The following SEMA6D variants were observed in gnomAD, a reference collection of about 807,000 sequenced individuals.
SEMA6D encodes the protein semaphorin-6D.
In SEMA6D, 35 loss-of-function variants were observed where a neutral mutation model predicts 106.6. That is an observed-to-expected ratio of 0.33 (90% CI 0.25 to 0.44). The LOEUF (loss-of-function observed/expected upper bound fraction) is 0.44, where lower values mean the gene tolerates loss of function less well. Among genes scored for constraint, SEMA6D ranks in the 20% least tolerant of loss-of-function variants. SEMA6D has a pLI of 1.00. For missense variants in SEMA6D, 1,185 were observed against 1,345.9 expected (o/e 0.88, Z 1.87); for synonymous variants, 499 against 487.7 (o/e 1.02, Z -0.31).
chr15:47,770,425 T>C, intron 18 of SEMA6D, 72 bp from the exon 19 acceptor site: 12 of 1,343,824 alleles, frequency 8.9e-6, no homozygotes, highest in Non-Finnish European at 1.2e-5. Flanking sequence ...GTTGGCTCAC[T>C]GAAAGCCATT....
intron 4 of SEMA6D, among the ~76,000 whole-genome samples, chr15:47,695,794 T>C (rs576496293): frequency 1.3e-5 from 2 of 152,310 alleles, no homozygotes; most frequent in South Asian, 4.1e-4. Context: ...TTGATTTATA[T>C]TGGATTTTAT....
At chr15:47,684,682 A>G (rs558732882) in intron 4 of SEMA6D, among the ~76,000 whole-genome samples, 1 of 152,334 alleles carries the variant, frequency 6.6e-6, no homozygotes, top group East Asian at 1.9e-4. Flanking sequence ...CAGTTGCCCT[A>G]TAATAATTTC....
At chr15:47,582,215 G>A (rs767958866) in intron 3 of SEMA6D, among the ~76,000 whole-genome samples, 6 of 152,182 alleles carry the variant, frequency 3.9e-5, no homozygotes, top group Admixed American at 2.6e-4. Flanking sequence ...TGCTTTTGAG[G>A]AGTGCAATGA....
intron 1 of SEMA6D, among the ~76,000 whole-genome samples, chr15:47,240,062 TAA>T (rs1275925915): frequency 6.6e-6 from 1 of 152,200 alleles, no homozygotes; most frequent in Non-Finnish European, 1.5e-5. Context: ...CAGTAGTTGA[TAA>T]AAGCCTGTTC....
intron 4 of SEMA6D, among the ~76,000 whole-genome samples, chr15:47,685,203 A>G (rs1228570991): frequency 6.6e-6 from 1 of 152,190 alleles, no homozygotes; most frequent in East Asian, 1.9e-4. Context: ...GAAGAGTCAT[A>G]TTTTATCCTA....
intron 1 of SEMA6D, among the ~76,000 whole-genome samples, chr15:47,379,752 T>G (rs892364532): frequency 1.3e-5 from 2 of 152,190 alleles, no homozygotes; most frequent in African/African-American, 4.8e-5. Flanking sequence ...TTTTTTAATT[T>G]TAATTTCATT....
At chr15:47,657,112 G>T (rs1427864437) in intron 4 of SEMA6D, among the ~76,000 whole-genome samples, 1 of 152,144 alleles carries the variant, frequency 6.6e-6, no homozygotes, top group Non-Finnish European at 1.5e-5. Context: ...TGAAGAAATT[G>T]TACAGTTTGA....
At chr15:47,627,808 ACTC>A (rs2077228520) in intron 4 of SEMA6D, among the ~76,000 whole-genome samples, 1 of 151,122 alleles carries the variant, frequency 6.6e-6, no homozygotes, top group African/African-American at 2.4e-5. Flanking sequence ...CACTGCAGGG[ACTC>A]CTCCTATTAC....
intron 3 of SEMA6D, among the ~76,000 whole-genome samples, chr15:47,536,581 G>A (rs1372140510): frequency 2.0e-5 from 3 of 152,148 alleles, no homozygotes; most frequent in African/African-American, 7.2e-5. Context: ...AATCAGTAAT[G>A]ATATCCATGT....
At chr15:47,358,257 C>A (rs1405592865) in intron 1 of SEMA6D, among the ~76,000 whole-genome samples, 1 of 152,192 alleles carries the variant, frequency 6.6e-6, no homozygotes, top group East Asian at 1.9e-4. Context: ...TGCTTTCCTG[C>A]AGGGAATGAT....
chr15:47,567,736 G>T (rs768023713), intron 3 of SEMA6D, among the ~76,000 whole-genome samples: 1 of 151,980 alleles, frequency 6.6e-6, no homozygotes, highest in Non-Finnish European at 1.5e-5. Context: ...TTGTCTTCCC[G>T]CACTGAAGTT....
chr15:47,764,351 C>A, intron 11 of SEMA6D, 46 bp downstream of exon 11: 3 of 1,584,026 alleles, frequency 1.9e-6, no homozygotes, highest in Non-Finnish European at 2.6e-6. Context: ...CAAAACCTTC[C>A]GGTCATTGGA....
intron 1 of SEMA6D, among the ~76,000 whole-genome samples, chr15:47,251,913 T>TTG (rs1238771336): frequency 7.8e-6 from 1 of 128,788 alleles, no homozygotes; most frequent in Non-Finnish European, 1.6e-5. Flanking sequence ...TTGGATTTTT[T>TTG]TTTTTTTTTT....
chr15:47,207,989 G>GCT (rs1350637399), intron 1 of SEMA6D, among the ~76,000 whole-genome samples: 2 of 62,254 alleles, frequency 3.2e-5, no homozygotes, highest in Non-Finnish European at 6.3e-5. Flanking sequence ...CCACTGGCGC[G>GCT]CGCGCACACA....
intron 4 of SEMA6D, among the ~76,000 whole-genome samples, chr15:47,690,070 G>T (rs1227752797): frequency 1.3e-5 from 2 of 152,340 alleles, no homozygotes; most frequent in East Asian, 3.9e-4. Flanking sequence ...TTCTGTCACA[G>T]GGACAGAGGC....
At chr15:47,724,851 A>G (rs1338800760) in intron 1 of SEMA6D, among the ~76,000 whole-genome samples, 1 of 152,182 alleles carries the variant, frequency 6.6e-6, no homozygotes, top group Non-Finnish European at 1.5e-5. Flanking sequence ...AATTCACTAG[A>G]TTGCTCCGTG....
chr15:47,226,661 A>G (rs768220682), intron 1 of SEMA6D, among the ~76,000 whole-genome samples: 2 of 152,154 alleles, frequency 1.3e-5, no homozygotes, highest in Admixed American at 6.6e-5. Flanking sequence ...CCAATCACTG[A>G]TAAGATAGCA....
At chr15:47,671,994 G>A (rs1045584419) in intron 4 of SEMA6D, among the ~76,000 whole-genome samples, 1 of 152,176 alleles carries the variant, frequency 6.6e-6, no homozygotes, top group Admixed American at 6.5e-5. Context: ...TATATTGTGA[G>A]CATTGTGTAC....
chr15:47,748,328 C>G (rs2081255281), intron 1 of SEMA6D, among the ~76,000 whole-genome samples: 1 of 152,240 alleles, frequency 6.6e-6, no homozygotes, highest in African/African-American at 2.4e-5. Flanking sequence ...GTTCTACCTT[C>G]TTTCTTTATT....
Sources: gnomAD v4.1 joint callset for allele counts (sites outside exome capture counted in the v4.1 genomes callset) on GRCh38, gnomAD v4.1.1 for gene constraint, MANE v1.5 for transcripts, NCBI Gene and HGNC (gene_info 2026-07-23, HGNC 2026-07-21) for gene names.